Variants in GRIN2A observed in about 807,000 individuals in gnomAD.
GRIN2A encodes glutamate receptor ionotropic, NMDA 2A.
In GRIN2A, 22 loss-of-function variants were observed where a neutral mutation model predicts 113.4. That is an observed-to-expected ratio of 0.19 (90% CI 0.14 to 0.28). The LOEUF (loss-of-function observed/expected upper bound fraction) is 0.28, where lower values mean the gene tolerates loss of function less well. Ranked by LOEUF, GRIN2A falls within the 10% of genes least tolerant of loss-of-function variation. The probability of loss-of-function intolerance (pLI) is 1.00; values close to 1 mark genes in which losing one functional copy is unlikely to be tolerated. For missense variants in GRIN2A, 1,502 were observed against 1,887.0 expected (o/e 0.80, Z 3.78); for synonymous variants, 827 against 738.4 (o/e 1.12, Z -1.94).
chr16:9,853,609 T>C (rs1329505393), intron 4 of GRIN2A, among the ~76,000 whole-genome samples: 1 of 152,170 alleles, frequency 6.6e-6, no homozygotes, highest in Non-Finnish European at 1.5e-5. Context: ...GCAACCCAAA[T>C]GGACTAAGAG....
At chr16:9,969,793 A>G (rs936873793) in intron 2 of GRIN2A, among the ~76,000 whole-genome samples, 2 of 152,248 alleles carry the variant, frequency 1.3e-5, no homozygotes, top group Admixed American at 1.3e-4. Flanking sequence ...TAAACATCCT[A>G]CAATGCACAG....
intron 11 of GRIN2A, 68 bp downstream of exon 11, chr16:9,798,209 C>A: frequency 7.7e-7 from 1 of 1,293,550 alleles, no homozygotes; most frequent in Non-Finnish European, 1.1e-6. Context: ...CTGGGAAGCC[C>A]AGGAGCAAAC....
chr16:9,919,149 A>G (rs60524714), intron 3 of GRIN2A, among the ~76,000 whole-genome samples: 2,008 of 152,178 alleles, frequency 0.013, 49 homozygotes, highest in African/African-American at 0.046. Flanking sequence ...CTCCAGCCTG[A>G]GTGACACAGT....
intron 3 of GRIN2A, among the ~76,000 whole-genome samples, chr16:9,923,726 C>G (rs1300778741): frequency 6.6e-6 from 1 of 152,068 alleles, no homozygotes; most frequent in African/African-American, 2.4e-5. Flanking sequence ...AATCTTTGTG[C>G]TATTGTTGTC....
At chr16:10,010,918 T>C (rs187012281) in intron 2 of GRIN2A, among the ~76,000 whole-genome samples, 1 of 152,268 alleles carries the variant, frequency 6.6e-6, no homozygotes, top group African/African-American at 2.4e-5. Context: ...ACCCCACCCT[T>C]CACCTGAAGT....
At chr16:9,807,522 G>A (rs2042006983) in intron 10 of GRIN2A, among the ~76,000 whole-genome samples, 1 of 152,106 alleles carries the variant, frequency 6.6e-6, no homozygotes, top group Admixed American at 6.5e-5. Context: ...TTCAAAGATA[G>A]GGAAGGATTG....
chr16:10,058,406 G>A (rs772069230), intron 2 of GRIN2A, among the ~76,000 whole-genome samples: 15 of 151,986 alleles, frequency 9.9e-5, no homozygotes, highest in Admixed American at 1.3e-4. Flanking sequence ...TGTTTATGTC[G>A]GTATTAACAT....
At chr16:10,160,298 G>A (rs190918091) in intron 2 of GRIN2A, among the ~76,000 whole-genome samples, 1 of 152,162 alleles carries the variant, frequency 6.6e-6, no homozygotes, top group Non-Finnish European at 1.5e-5. Flanking sequence ...AATACAAGCG[G>A]GATATGGTCT....
chr16:10,029,204 T>G (rs1326845120), intron 2 of GRIN2A, among the ~76,000 whole-genome samples: 1 of 152,144 alleles, frequency 6.6e-6, no homozygotes, highest in African/African-American at 2.4e-5. Context: ...CTTTTTTTTT[T>G]TTCTTTTCAG....
chr16:10,013,157 T>G (rs2141874019), intron 2 of GRIN2A, among the ~76,000 whole-genome samples: 1 of 152,254 alleles, frequency 6.6e-6, no homozygotes, highest in Non-Finnish European at 1.5e-5. Context: ...AAAATAAAAG[T>G]TTCAAAAATC....
chr16:9,999,876 A>G (rs184857344), intron 2 of GRIN2A, among the ~76,000 whole-genome samples: 121 of 152,330 alleles, frequency 7.9e-4, no homozygotes, highest in Admixed American at 1.8e-3. Flanking sequence ...CACAATTATT[A>G]TTCTGCAATT....
intron 2 of GRIN2A, among the ~76,000 whole-genome samples, chr16:10,101,741 C>G (rs538706744): frequency 6.6e-6 from 1 of 152,284 alleles, no homozygotes; most frequent in South Asian, 2.1e-4. Flanking sequence ...ATATCTCAGG[C>G]TACAAGAAAG....
At chr16:9,840,857 T>C in intron 6 of GRIN2A, 57 bp from the exon 7 acceptor site, 2 of 1,597,808 alleles carry the variant, frequency 1.3e-6, no homozygotes, top group Non-Finnish European at 1.7e-6. Flanking sequence ...CAACAGTACT[T>C]TACTTTTCCT....
chr16:10,147,993 A>T (rs2049481257), intron 2 of GRIN2A, among the ~76,000 whole-genome samples: 2 of 152,210 alleles, frequency 1.3e-5, no homozygotes, highest in South Asian at 4.1e-4. Context: ...AGCATCAGAC[A>T]TAATGGAGAA....
At chr16:9,862,967 C>A (rs2043096163) in intron 4 of GRIN2A, among the ~76,000 whole-genome samples, 1 of 152,096 alleles carries the variant, frequency 6.6e-6, no homozygotes, top group Non-Finnish European at 1.5e-5. Flanking sequence ...CCCCAACGGG[C>A]ATTTTCTATT....
chr16:10,169,715 C>A (rs1445803466), intron 2 of GRIN2A, among the ~76,000 whole-genome samples: 1 of 152,176 alleles, frequency 6.6e-6, no homozygotes, highest in Non-Finnish European at 1.5e-5. Context: ...AAGCAAAAAA[C>A]TGAATGTCTT....
intron 3 of GRIN2A, among the ~76,000 whole-genome samples, chr16:9,915,569 T>A (rs2044233278): frequency 6.6e-6 from 1 of 152,202 alleles, no homozygotes; most frequent in Non-Finnish European, 1.5e-5. Flanking sequence ...ACTTGTATGT[T>A]TTTTTAACCA....
At chr16:9,823,341 G>A (rs1273867694) in intron 9 of GRIN2A, among the ~76,000 whole-genome samples, 1 of 152,142 alleles carries the variant, frequency 6.6e-6, no homozygotes, top group East Asian at 1.9e-4. Context: ...TACAAGCTAT[G>A]GAACCCTAGA....
intron 2 of GRIN2A, among the ~76,000 whole-genome samples, chr16:10,009,730 C>A (rs1009185049): frequency 1.4e-5 from 2 of 148,118 alleles, no homozygotes; most frequent in Non-Finnish European, 3.0e-5. Flanking sequence ...GTTCCCAGTG[C>A]CTTGCTCAAA....
Sources: gnomAD v4.1 joint callset for allele counts (sites outside exome capture counted in the v4.1 genomes callset) on GRCh38, gnomAD v4.1.1 for gene constraint, MANE v1.5 for transcripts, NCBI Gene and HGNC (gene_info 2026-07-23, HGNC 2026-07-21) for gene names.